IARS2: variants seen among roughly 807,000 people sequenced by gnomAD.
IARS2 encodes the protein isoleucine--tRNA ligase, mitochondrial.
A neutral mutation model predicts 126.3 loss-of-function variants in IARS2; 56 were observed. That is an observed-to-expected ratio of 0.44 (90% CI 0.36 to 0.55). IARS2 has a LOEUF of 0.55. Ranked by LOEUF, IARS2 falls within the 20% of genes least tolerant of loss-of-function variation. The pLI is 0.00. For synonymous variants in IARS2, 407 were observed against 441.1 expected, an observed-to-expected ratio of 0.92 and a Z score of 0.97; for missense variants, 1,127 against 1,245.9, an observed-to-expected ratio of 0.90 and a Z score of 1.44.
chr1:220,101,835 C>T (rs1237160223), intron 3 of IARS2, among the ~76,000 whole-genome samples: 1 of 152,136 alleles, frequency 6.6e-6, no homozygotes, highest in Non-Finnish European at 1.5e-5. Flanking sequence ...CCCGTCTCTA[C>T]TAAAACTACA....
At chr1:220,099,798 A>G (rs1305023340) in intron 2 of IARS2, among the ~76,000 whole-genome samples, 1 of 152,216 alleles carries the variant, frequency 6.6e-6, no homozygotes, top group Non-Finnish European at 1.5e-5. Context: ...TAGCTAGATG[A>G]ATTTTTTTTA....
intron 14 of IARS2, among the ~76,000 whole-genome samples, chr1:220,128,894 C>G (rs951017222): frequency 6.7e-6 from 1 of 148,988 alleles, no homozygotes; most frequent in South Asian, 2.1e-4. Flanking sequence ...CATAATATTT[C>G]TAGAGTGTGA....
At chr1:220,098,692 TAAAAGTATGGAGG>T (rs2102816678) in intron 2 of IARS2, among the ~76,000 whole-genome samples, 1 of 152,302 alleles carries the variant, frequency 6.6e-6, no homozygotes, top group South Asian at 2.1e-4. Flanking sequence ...AAATGACTCT[TAAAAGTATGGAGG>T]AACTTTTTTT....
At chr1:220,128,249 G>C (rs577843324) in intron 14 of IARS2, among the ~76,000 whole-genome samples, 14 of 151,456 alleles carry the variant, frequency 9.2e-5, no homozygotes, top group East Asian at 3.9e-4. Context: ...ATATGGGGGT[G>C]GGGGGCTGGG....
chr1:220,109,869 GA>G (rs1656760788), intron 10 of IARS2, among the ~76,000 whole-genome samples: 1 of 152,172 alleles, frequency 6.6e-6, no homozygotes. Flanking sequence ...TTCATGGCAT[GA>G]AAGATTATGG....
chr1:220,096,288 T>A, intron 2 of IARS2, 62 bp downstream of exon 2: 1 of 1,011,634 alleles, frequency 9.9e-7, no homozygotes, highest in Non-Finnish European at 1.4e-6. Context: ...TCTTTATAAA[T>A]GTGTATTCTA....
At chr1:220,129,412 T>C (rs573739638) in intron 14 of IARS2, among the ~76,000 whole-genome samples, 11 of 152,308 alleles carry the variant, frequency 7.2e-5, no homozygotes, top group Non-Finnish European at 1.3e-4. Context: ...ATGCAATAAA[T>C]GGTTACTATA....
chr1:220,119,510 C>T (rs986613828), intron 12 of IARS2, among the ~76,000 whole-genome samples: 6 of 151,842 alleles, frequency 4.0e-5, no homozygotes, highest in African/African-American at 1.5e-4. Context: ...GCATTTTTTT[C>T]TGAAGAATAT....
chr1:220,105,049 A>G (rs1341007911), intron 8 of IARS2, among the ~76,000 whole-genome samples: 1 of 152,216 alleles, frequency 6.6e-6, no homozygotes, highest in African/African-American at 2.4e-5. Flanking sequence ...AAGGAGCTTA[A>G]GAATTTTGAA....
At chr1:220,132,161 CTT>C (rs1281127132) in intron 14 of IARS2, among the ~76,000 whole-genome samples, 1 of 152,054 alleles carries the variant, frequency 6.6e-6, no homozygotes, top group Non-Finnish European at 1.5e-5. Flanking sequence ...TTTGTTGTGT[CTT>C]TGCCTGGTTT....
At chr1:220,137,763 T>C in intron 16 of IARS2, 155 bp from the exon 17 acceptor site, 1 of 741,718 alleles carries the variant, frequency 1.3e-6, no homozygotes, top group Admixed American at 2.9e-5. Context: ...ACAGTCTAAT[T>C]TGAGATTGTT....
At chr1:220,096,623 T>C (rs1457477437) in intron 2 of IARS2, among the ~76,000 whole-genome samples, 1 of 152,242 alleles carries the variant, frequency 6.6e-6, no homozygotes, top group African/African-American at 2.4e-5. Context: ...AATATGTTAA[T>C]ACTACAATCT....
rs372113260 is a variant in IARS2 at position 220,115,455 on chromosome 1, G to A, written c.1640+981G>A. Among the ~76,000 whole-genome samples, 13 of 151,544 alleles carry A rather than the reference G, an allele frequency of 8.6e-5. No individual in the cohort carries two copies. In the East Asian group the frequency reaches 1.5e-3, roughly 18 times the overall value. Reference sequence around the variant, plus strand: ...GCGGGCCTGTAATCTCAGCTACTCCGAAGGCTCAGGCAGAGAACTGCTTGA... The same window carrying A: ...GCGGGCCTGTAATCTCAGCTACTCCAAAGGCTCAGGCAGAGAACTGCTTGA... On this transcript the variant is annotated intron_variant, in intron 12 of 22. Transcript: ENST00000366922.
At chr1:220,145,794 A>G (rs1004874221) in intron 22 of IARS2, 141 bp downstream of exon 22, 17 of 709,818 alleles carry the variant, frequency 2.4e-5, no homozygotes, top group African/African-American at 2.2e-4. Flanking sequence ...AATAAAAACA[A>G]TTGCCAAGTT....
intron 7 of IARS2, among the ~76,000 whole-genome samples, chr1:220,103,095 C>T (rs929109152): frequency 6.6e-6 from 1 of 151,038 alleles, no homozygotes; most frequent in African/African-American, 2.4e-5. Context: ...GGCTGGAGTA[C>T]AGTGGCATGA....
Position 220,134,334 on chromosome 1 carries a change from A to G in IARS2, c.1838-68A>G, listed in dbSNP as rs35775533. The stretch of plus-strand genomic sequence containing the variant: ...TCCCCACTAATTGTTATTAATAAGT[A>G]TCTTCTTTTTCTATTTTAATTAACT... On this transcript the variant is annotated intron_variant, in intron 14 of 22. Transcript: ENST00000366922. 0.074 allele frequency: 77,614 copies of G among 1,055,910 alleles called. 3,296 individuals are homozygous for G. Among genetic ancestry groups the G allele is most frequent in the Non-Finnish European group, 0.088 (64,942 of 734,212 alleles). 65.4% of individuals were successfully genotyped at this position (1,055,910 alleles called of 1,614,324 possible).
chr1:220,096,134 C>A lies in IARS2; in HGVS notation c.298C>A (p.Gln100Lys). 2 of 1,511,770 alleles carry A rather than the reference C, an allele frequency of 1.3e-6. No individual in the cohort carries two copies. Among genetic ancestry groups the A allele is most frequent in the Non-Finnish European group, 1.8e-6 (2 of 1,094,830 alleles). The allele number at this position is 1,511,770 out of a possible 1,614,324, so 93.6% of individuals were successfully genotyped here. The change falls in exon 2 of 23, where the codon CAA (glutamine) becomes AAA (lysine). Residue 100 changes from glutamine (Q) to lysine (K), a missense_variant. Transcript: ENST00000366922. ...TGGATTTTCAGAACTTTATTCATGG[C>A]AAAGAGAAAGAAAAGTAAAGACAGA... ...KCGFSELYSW[Q>K]RERKVKTEFC...
At chr1:220,096,713 G>GT (rs1419308085) in intron 2 of IARS2, among the ~76,000 whole-genome samples, 2 of 152,156 alleles carry the variant, frequency 1.3e-5, no homozygotes, top group Non-Finnish European at 2.9e-5. Flanking sequence ...GGCATCTGTA[G>GT]TTTCAAAACC....
chr1:220,098,122 CATG>C (rs1256336367), intron 2 of IARS2, among the ~76,000 whole-genome samples: 1 of 152,082 alleles, frequency 6.6e-6, no homozygotes, highest in Non-Finnish European at 1.5e-5. Context: ...CTCCTGACCT[CATG>C]ATCCACCCGC....
Sources: allele counts gnomAD v4.1 joint callset (sites outside exome capture counted in the v4.1 genomes callset), GRCh38; gene constraint gnomAD v4.1.1; transcripts MANE v1.5; gene names NCBI Gene and HGNC (gene_info 2026-07-23, HGNC 2026-07-21).